MYEF2: variants seen among roughly 807,000 people sequenced by gnomAD.
The protein encoded by MYEF2 is myelin expression factor 2.
Under a neutral mutation model 75.2 loss-of-function variants are expected in MYEF2, and 37 were observed. The ratio of observed to expected loss-of-function variants is 0.49; its 90% CI spans 0.38 to 0.65. The LOEUF is 0.65. MYEF2 is among the 30% of genes least tolerant of loss of function. The probability of loss-of-function intolerance (pLI) is 0.00; values close to 1 mark genes in which losing one functional copy is unlikely to be tolerated. For synonymous variants in MYEF2, 195 were observed against 241.6 expected, an observed-to-expected ratio of 0.81 and a Z score of 1.79; for missense variants, 634 against 771.4, an observed-to-expected ratio of 0.82 and a Z score of 2.11.
At chr15:48,167,127 T>C (rs992086973) in intron 3 of MYEF2, among the ~76,000 whole-genome samples, 1 of 152,044 alleles carries the variant, frequency 6.6e-6, no homozygotes, top group African/African-American at 2.4e-5. Flanking sequence ...CTTAGAGCAT[T>C]GGAAAAGTGA....
intron 9 of MYEF2, among the ~76,000 whole-genome samples, chr15:48,155,044 A>T (rs1028878856): frequency 6.6e-6 from 1 of 152,108 alleles, no homozygotes; most frequent in Non-Finnish European, 1.5e-5. Flanking sequence ...AAGACAAAAA[A>T]ATAAGACACA....
Position 48,136,520 on chromosome 15 carries a change from T to C in MYEF2, c.*6388A>G. The C allele has an allele frequency of 3.5e-6, 2 of 577,978 alleles. No individual in the cohort carries two copies. The highest frequency in any genetic ancestry group is 3.5e-5 in the South Asian group (1 of 28,600). 35.8% of individuals were successfully genotyped at this position (577,978 alleles called of 1,614,324 possible). On this transcript the variant is annotated 3_prime_UTR_variant, in exon 17 of 17. Coordinates refer to ENST00000324324, the MANE Select transcript of MYEF2 (RefSeq NM_016132.5). ...TTTATCAATAAACATAATAATGCTG[T>C]AATCAAGTCTGGACAAATCTACAAA...
intron 9 of MYEF2, among the ~76,000 whole-genome samples, chr15:48,155,830 AG>A (rs2039675394): frequency 1.4e-5 from 2 of 147,804 alleles, no homozygotes; most frequent in Admixed American, 6.8e-5. Flanking sequence ...GCTGGAGTGC[AG>A]GGGCACGATC....
At chr15:48,159,040 T>C (rs2039827067) in intron 6 of MYEF2, 118 bp from the exon 7 acceptor site, 2 of 826,744 alleles carry the variant, frequency 2.4e-6, no homozygotes, top group South Asian at 1.9e-5. Context: ...AGTTCAACAA[T>C]ATATTGATAA....
chr15:48,167,463 C>T, intron 2 of MYEF2, 62 bp from the exon 3 acceptor site: 1 of 1,478,218 alleles, frequency 6.8e-7, no homozygotes, highest in Non-Finnish European at 9.4e-7. Flanking sequence ...CAGTATCTTG[C>T]TTTACTGCAC....
rs1028855122 is a variant in MYEF2, at chr15:48,136,853, G to A, written c.*6055C>T. On this transcript the variant is annotated 3_prime_UTR_variant, in exon 17 of 17. Coordinates refer to ENST00000324324, the MANE Select transcript of MYEF2 (RefSeq NM_016132.5). ...CCACTGATGGGCTGGGAAGATGAAG[G>A]TCAACCATTCATTCGTCGGCAATCA... 18 of 1,613,606 alleles carry A rather than the reference G, an allele frequency of 1.1e-5. No individual in the cohort carries two copies. The highest frequency in any genetic ancestry group is 1.5e-5 in the Non-Finnish European group (18 of 1,179,778).
At position 48,158,702 on chromosome 15, in the gene MYEF2, G is replaced by A. The variant is rs571771657; in HGVS notation, c.871+67C>T. 1.0e-5 allele frequency: 16 copies of A among 1,578,002 alleles called. 1 individual carries two copies. The highest frequency in any genetic ancestry group is 3.4e-5 in the South Asian group (3 of 87,504). ...GCAACCTTAAATTCAATTACCCCCC[G>A]CCAAAACAAAGGTGGTATTATGCTT... On this transcript the variant is annotated intron_variant, in intron 7 of 16. Transcript: ENST00000324324.
chr15:48,176,219 TAAA>T (rs1023560411), intron 1 of MYEF2, among the ~76,000 whole-genome samples: 44 of 63,140 alleles, frequency 7.0e-4, no homozygotes, highest in African/African-American at 2.1e-3. Flanking sequence ...GTTCACGAAG[TAAA>T]AAAAAAAAAA....
At position 48,135,801 on chromosome 15, in the gene MYEF2, A is replaced by G. The variant is rs959391276; in HGVS notation, c.*7107T>C. On this transcript the variant is annotated 3_prime_UTR_variant, in exon 17 of 17. Coordinates refer to ENST00000324324, the MANE Select transcript of MYEF2 (RefSeq NM_016132.5). ...CTATCAAGAAACTTAAAACCTAGCC[A>G]GAAGCATAATTTCTAAACTAATCAT... The G allele has an allele frequency of 2.6e-5, 4 of 152,254 alleles. No homozygotes were observed. The South Asian group carries it at 8.3e-4, about 32-fold the overall frequency. The allele number at this position is 152,254 out of a possible 1,614,324, so 9.4% of individuals were successfully genotyped here. A position where few individuals can be genotyped will look rare whatever the true frequency, so the allele number is the denominator to read the frequency against.
chr15:48,159,890 T>C (rs758784127), intron 5 of MYEF2, 86 bp from the exon 6 acceptor site: 8 of 1,344,070 alleles, frequency 6.0e-6, no homozygotes, highest in Non-Finnish European at 8.1e-6. Context: ...CTACAGTAGC[T>C]ATCCTGTCTG....
rs550186077 is a variant in MYEF2 at position 48,137,685 on chromosome 15, T to C, written c.*5223A>G. 2.6e-4 allele frequency: 39 copies of C among 152,022 alleles called. No individual in the cohort carries two copies. The highest frequency in any genetic ancestry group is 8.4e-4 in the African/African-American group (35 of 41,492). The allele number at this position is 152,022 out of a possible 1,614,324, so 9.4% of individuals were successfully genotyped here. ...TGAAGGAAGCATCACCAAGACTATA[T>C]GGGGCCAGAAAAAGGAACAAAGACA... On this transcript the variant is annotated 3_prime_UTR_variant, in exon 17 of 17. Transcript: ENST00000324324.
chr15:48,143,092 A>G (rs1217860503), intron 16 of MYEF2, 21 bp from the exon 17 acceptor site: 2 of 1,483,722 alleles, frequency 1.3e-6, no homozygotes, highest in Non-Finnish European at 1.8e-6. Context: ...AAAGTTACAG[A>G]ATTACTAGTC....
intron 16 of MYEF2, among the ~76,000 whole-genome samples, chr15:48,145,251 A>T (rs1477894937): frequency 1.3e-5 from 2 of 151,866 alleles, no homozygotes; most frequent in Non-Finnish European, 3.0e-5. Context: ...ACAGAACCAG[A>T]AAGAGTTATA....
intron 14 of MYEF2, among the ~76,000 whole-genome samples, chr15:48,150,218 T>G (rs1024303730): frequency 6.6e-6 from 1 of 151,412 alleles, no homozygotes; most frequent in African/African-American, 2.4e-5. Context: ...CAATATAAAA[T>G]CAGGGAAACA....
At position 48,139,340 on chromosome 15, in the gene MYEF2, G is replaced by A; in HGVS notation, c.*3568C>T. 1.8e-6 allele frequency: 1 copy of A among 549,168 alleles called. No individual in the cohort carries two copies. Among genetic ancestry groups the A allele is most frequent in the South Asian group, 2.8e-5 (1 of 36,322 alleles). The allele number at this position is 549,168 out of a possible 1,614,324, so 34.0% of individuals were successfully genotyped here. ...AAGTATTACTATAACAAGATCACTG[G>A]AGTTTGTGAGTTGCATATTATATAT... On this transcript the variant is annotated 3_prime_UTR_variant, in exon 17 of 17. Coordinates refer to ENST00000324324, the MANE Select transcript of MYEF2 (RefSeq NM_016132.5).
intron 10 of MYEF2, chr15:48,152,527 A>C (rs907961608): frequency 1.6e-5 from 7 of 426,932 alleles, no homozygotes; most frequent in Non-Finnish European, 2.9e-5. Context: ...AGTAACACCC[A>C]CAACATTCAG....
chr15:48,153,973 T>C, intron 9 of MYEF2, 80 bp from the exon 10 acceptor site: 1 of 1,139,996 alleles, frequency 8.8e-7, no homozygotes, highest in Non-Finnish European at 1.3e-6. Context: ...TAAAAAGCTA[T>C]ATACCTGTAG....
At chr15:48,157,856 A>G in intron 9 of MYEF2, 137 bp downstream of exon 9, 4 of 1,441,042 alleles carry the variant, frequency 2.8e-6, no homozygotes, top group Admixed American at 5.3e-5. Context: ...CAATAGCGCC[A>G]AACTATCTTC....
In MYEF2 at chr15:48,135,260, A is replaced by G. The variant is rs2038868936; in HGVS notation, c.*7648T>C. 1 of 277,666 alleles carries G rather than the reference A, an allele frequency of 3.6e-6. No individual in the cohort carries two copies. The highest frequency in any genetic ancestry group is 6.1e-5 in the South Asian group (1 of 16,274). The allele number at this position is 277,666 out of a possible 1,614,324, so 17.2% of individuals were successfully genotyped here. A position where few individuals can be genotyped will look rare whatever the true frequency, so the allele number is the denominator to read the frequency against. On this transcript the variant is annotated 3_prime_UTR_variant, in exon 17 of 17. Transcript: ENST00000324324. ...CTCCCCACTGGCTGCCTATTCAGAA[A>G]GTTTCCCAACTCCTGTTGTCCATTA... is the stretch of plus-strand genomic sequence containing the variant.
Sources: allele counts gnomAD v4.1 joint callset (sites outside exome capture counted in the v4.1 genomes callset), GRCh38; gene constraint gnomAD v4.1.1; transcripts MANE v1.5; gene names NCBI Gene and HGNC (gene_info 2026-07-23, HGNC 2026-07-21).